The following NCOA2 variants were observed in gnomAD, a reference collection of about 807,000 sequenced individuals.
NCOA2 encodes the protein nuclear receptor coactivator 2, also known as class E basic helix-loop-helix protein 75.
In NCOA2, 21 loss-of-function variants were observed where a neutral mutation model predicts 145.1. The ratio of observed to expected loss-of-function variants is 0.14; its 90% CI spans 0.10 to 0.21. NCOA2 has a LOEUF of 0.21. NCOA2 is among the 10% of genes least tolerant of loss of function. The pLI is 1.00. For synonymous variants in NCOA2, 619 were observed against 637.5 expected (o/e 0.97, Z 0.44); for missense variants, 1,472 against 1,837.6 (o/e 0.80, Z 3.64).
At chr8:70,266,500 C>T (rs1158013825) in intron 2 of NCOA2, among the ~76,000 whole-genome samples, 2 of 152,144 alleles carry the variant, frequency 1.3e-5, no homozygotes, top group Admixed American at 6.5e-5. Flanking sequence ...CTGTACCTTC[C>T]ATTACTCTAT....
intron 15 of NCOA2, among the ~76,000 whole-genome samples, chr8:70,133,696 CTCAT>C (rs1450937057): frequency 6.6e-6 from 1 of 152,200 alleles, no homozygotes; most frequent in East Asian, 1.9e-4. Context: ...GATGAGCAAA[CTCAT>C]TCTTAAGCAA....
At chr8:70,140,355 A>C (rs1195813707) in intron 14 of NCOA2, among the ~76,000 whole-genome samples, 1 of 152,188 alleles carries the variant, frequency 6.6e-6, no homozygotes, top group East Asian at 1.9e-4. Context: ...CATTTCATAT[A>C]AATGGTATCA....
upstream of NCOA2, among the ~76,000 whole-genome samples, chr8:70,406,894 T>C (rs1814790706): frequency 2.6e-5 from 4 of 152,202 alleles, no homozygotes; most frequent in South Asian, 8.3e-4. Context: ...AGCTATAGAA[T>C]ATAAGCAAAT....
At chr8:70,213,758 T>C (rs1451610776) in intron 4 of NCOA2, 145 bp downstream of exon 4, 2 of 704,574 alleles carry the variant, frequency 2.8e-6, no homozygotes, top group South Asian at 4.4e-5. Context: ...CAAGTGATAC[T>C]TGCATTCATC....
chr8:70,185,660 GA>G (rs1292865037), intron 4 of NCOA2, among the ~76,000 whole-genome samples: 10 of 152,280 alleles, frequency 6.6e-5, no homozygotes, highest in African/African-American at 1.7e-4. Context: ...GCAGGCTCCA[GA>G]AAAGTTTACA....
chr8:70,400,488 ATG>A (rs2131801871), intron 1 of NCOA2, among the ~76,000 whole-genome samples: 1 of 152,344 alleles, frequency 6.6e-6, no homozygotes, highest in South Asian at 2.1e-4. Flanking sequence ...AAGTAAAATA[ATG>A]TGTTGCTCTT....
At chr8:70,376,585 T>C (rs566433233) in intron 1 of NCOA2, among the ~76,000 whole-genome samples, 3 of 152,230 alleles carry the variant, frequency 2.0e-5, no homozygotes, top group Non-Finnish European at 2.9e-5. Flanking sequence ...AGGGTGTGAA[T>C]AGATTTAACA....
At chr8:70,396,618 A>G (rs1202272376) in intron 1 of NCOA2, among the ~76,000 whole-genome samples, 1 of 152,230 alleles carries the variant, frequency 6.6e-6, no homozygotes, top group Non-Finnish European at 1.5e-5. Context: ...AAAAGAAAAA[A>G]TCTATAATTT....
At chr8:70,396,596 T>C (rs1028444869) in intron 1 of NCOA2, among the ~76,000 whole-genome samples, 1 of 152,202 alleles carries the variant, frequency 6.6e-6, no homozygotes, top group Non-Finnish European at 1.5e-5. Flanking sequence ...TAATTCTTAT[T>C]TCCTGAAAAT....
At chr8:70,406,388 A>C (rs1275635638), upstream of NCOA2, among the ~76,000 whole-genome samples, 1 of 152,238 alleles carries the variant, frequency 6.6e-6, no homozygotes, top group Non-Finnish European at 1.5e-5. Flanking sequence ...TGATAATGTA[A>C]AATGAAAAGG....
At chr8:70,248,816 G>C (rs1822843035) in intron 2 of NCOA2, among the ~76,000 whole-genome samples, 1 of 150,684 alleles carries the variant, frequency 6.6e-6, no homozygotes, top group Non-Finnish European at 1.5e-5. Flanking sequence ...ATTTTCTGAG[G>C]TTGGCCGAAT....
chr8:70,135,166 A>C (rs1228528604), intron 15 of NCOA2, among the ~76,000 whole-genome samples: 1 of 151,998 alleles, frequency 6.6e-6, no homozygotes, highest in Non-Finnish European at 1.5e-5. Context: ...CCAGAAAACC[A>C]ATACCTTGAC....
chr8:70,210,114 C>T (rs537328605), intron 4 of NCOA2, among the ~76,000 whole-genome samples: 2 of 152,316 alleles, frequency 1.3e-5, no homozygotes, highest in South Asian at 2.1e-4. Context: ...CCTATTCTTT[C>T]GCTTAATGGC....
the NCOA2 span, among the ~76,000 whole-genome samples, chr8:70,422,300 G>A: frequency 6.6e-6 from 1 of 152,042 alleles, no homozygotes; most frequent in African/African-American, 2.4e-5. Flanking sequence ...CAGAGCCAAG[G>A]CAACCTGAAG....
At chr8:70,217,978 A>G (rs1487262545) in intron 2 of NCOA2, among the ~76,000 whole-genome samples, 3 of 152,048 alleles carry the variant, frequency 2.0e-5, no homozygotes, top group African/African-American at 7.2e-5. Context: ...GAAAAAAAAA[A>G]AAATCAAAGG....
chr8:70,236,385 T>C (rs1303030812), intron 2 of NCOA2, among the ~76,000 whole-genome samples: 1 of 152,126 alleles, frequency 6.6e-6, no homozygotes. Context: ...GTCTCCAGGT[T>C]CATTTCTTGA....
intron 1 of NCOA2, among the ~76,000 whole-genome samples, chr8:70,379,539 C>G (rs1811995577): frequency 6.6e-6 from 1 of 152,162 alleles, no homozygotes; most frequent in African/African-American, 2.4e-5. Flanking sequence ...ATCAGCAGTT[C>G]ATGTTGTCAC....
intron 2 of NCOA2, among the ~76,000 whole-genome samples, chr8:70,249,979 A>AAAAAG (rs58993388): frequency 9.7e-6 from 1 of 102,650 alleles, no homozygotes; most frequent in Non-Finnish European, 2.2e-5. Context: ...AAAAAAAAAA[A>AAAAAG]GAAGAAGAAG....
the NCOA2 span, among the ~76,000 whole-genome samples, chr8:70,414,242 C>A: frequency 6.6e-6 from 1 of 152,198 alleles, no homozygotes; most frequent in Non-Finnish European, 1.5e-5. Flanking sequence ...CTAAGACTAA[C>A]AATGCTCTTC....
Sources: allele counts gnomAD v4.1 joint callset (sites outside exome capture counted in the v4.1 genomes callset), GRCh38; gene constraint gnomAD v4.1.1; transcripts MANE v1.5; gene names NCBI Gene and HGNC (gene_info 2026-07-23, HGNC 2026-07-21).